Variants in EXTL3 observed in about 807,000 individuals in gnomAD.
EXTL3 encodes the protein exostosin like glycosyltransferase 3, also known as exostosin-like 3.
Under a neutral mutation model 69.3 loss-of-function variants are expected in EXTL3, and 27 were observed. The observed-to-expected ratio is 0.39, with a 90% CI of 0.29 to 0.54. The LOEUF (loss-of-function observed/expected upper bound fraction) is 0.54. Ranked by LOEUF, EXTL3 falls within the 20% of genes least tolerant of loss-of-function variation. The pLI, the probability that EXTL3 is intolerant of heterozygous loss-of-function variation, is 0.69. For missense variants in EXTL3, 1,003 were observed against 1,231.8 expected, an observed-to-expected ratio of 0.81 and a Z score of 2.78; for synonymous variants, 511 against 499.4, an observed-to-expected ratio of 1.02 and a Z score of -0.31.
At chr8:28,636,774 GC>G (rs1806663000) in intron 1 of EXTL3, among the ~76,000 whole-genome samples, 1 of 152,194 alleles carries the variant, frequency 6.6e-6, no homozygotes, top group Non-Finnish European at 1.5e-5. Context: ...ACTTTGGGAG[GC>G]TGAGACAGGT....
At position 28,753,661 on chromosome 8, in the gene EXTL3, T is replaced by TA. The variant is rs1043267219; in HGVS notation, c.*2800dup. 6.6e-6 allele frequency: 1 copy of TA among 152,548 alleles called. No homozygotes were observed. Among genetic ancestry groups the TA allele is most frequent in the African/African-American group, 2.4e-5 (1 of 41,402 alleles). The allele number at this position is 152,548 out of a possible 1,614,324, so 9.4% of individuals were successfully genotyped here. ...CTTACATTGGATTTTTGTAAAAAAA[T>TA]AAAAATAAATGGAGACTTTAACTCA... is the stretch of plus-strand genomic sequence containing the variant. On this transcript the variant is annotated 3_prime_UTR_variant, in exon 7 of 7. Transcript: ENST00000220562.
chr8:28,653,110 CAT>C (rs1806953873), intron 1 of EXTL3, among the ~76,000 whole-genome samples: 2 of 152,202 alleles, frequency 1.3e-5, no homozygotes, highest in South Asian at 4.1e-4. Context: ...CATGAATCCA[CAT>C]GATAGTAGCA....
rs1802022398 is a variant in EXTL3, at chr8:28,752,176, G to A, written c.*1310G>A. On this transcript the variant is annotated 3_prime_UTR_variant, in exon 7 of 7. Coordinates refer to ENST00000220562, the MANE Select transcript of EXTL3 (RefSeq NM_001440.4). ...GGAATCTAACGGGCATTCACAACCC[G>A]AGTTACCACTTTCCACTCCCTGCTT... 1 of 152,198 alleles carries A rather than the reference G, an allele frequency of 6.6e-6. No homozygotes were observed. 9.4% of individuals were successfully genotyped at this position (152,198 alleles called of 1,614,324 possible). A position where few individuals can be genotyped will look rare whatever the true frequency, so the allele number is the denominator to read the frequency against.
Position 28,718,025 on chromosome 8 carries a change from G to A in EXTL3, c.1966G>A (p.Gly656Ser), listed in dbSNP as rs1801203649. The change falls in exon 3 of 7, where the codon GGC becomes AGC. Residue 656 changes from glycine to serine, a missense_variant. Gly to Ser is a moderately conservative substitution (Grantham distance 56). Around this residue, in one of 2 missense-constraint regions of EXTL3, gnomAD observed 261 missense variants for 416.4 expected, o/e 0.63. Coordinates refer to ENST00000220562, the MANE Select transcript of EXTL3 (RefSeq NM_001440.4). ...SGKEFQAALG[G>S]NVPREQFTVV... ...CAAGGAATTTCAGGCAGCGCTTGGA[G>A]GCAATGTTCCCCGAGAGCAGTTCAC... 7 of 1,614,016 alleles carry A rather than the reference G, an allele frequency of 4.3e-6. No individual in the cohort carries two copies. The highest frequency in any genetic ancestry group is 5.9e-6 in the Non-Finnish European group (7 of 1,180,004).
rs2237815 is a variant in EXTL3 at position 28,721,556 on chromosome 8, C to A, written c.2148+3349C>A. ...TCCCTCCCTCTGAATTTTAGCACCC[C>A]TCCATAATTGGTTGTCTTTTGTTCA... On this transcript the variant is annotated intron_variant, in intron 3 of 6. Coordinates refer to ENST00000220562, the MANE Select transcript of EXTL3 (RefSeq NM_001440.4). 3.9e-4 allele frequency among the ~76,000 whole-genome samples: 60 copies of A among 152,318 alleles called. No homozygotes were observed. In the East Asian group the frequency reaches 0.011, roughly 27 times the overall value.
At chr8:28,682,499 A>G (rs1807505876) in intron 1 of EXTL3, among the ~76,000 whole-genome samples, 1 of 151,918 alleles carries the variant, frequency 6.6e-6, no homozygotes. Flanking sequence ...CTGGAGTGCA[A>G]TTGTGCGATC....
At position 28,716,759 on chromosome 8, in the gene EXTL3, A is replaced by G. The variant is rs764555341; in HGVS notation, c.700A>G (p.Ile234Val). The G allele has an allele frequency of 1.2e-6, 2 of 1,614,242 alleles. No individual in the cohort carries two copies. The highest frequency in any genetic ancestry group is 1.7e-6 in the Non-Finnish European group (2 of 1,180,038). Residue 234 changes from isoleucine to valine, a missense_variant, in exon 3 of 7, where the codon ATC becomes GTC. Physicochemically the swap from Ile to Val is conservative, Grantham distance 29. Around this residue, in one of 2 missense-constraint regions of EXTL3, gnomAD observed 742 missense variants for 815.4 expected, o/e 0.91. Coordinates refer to ENST00000220562, the MANE Select transcript of EXTL3 (RefSeq NM_001440.4). This position sits in a 1 kb window ranked among gnomAD's most constrained non-coding sequence, Gnocchi z 7.1. ...ANVYVTENADIACLYVILVGE... is the reference protein window; with the variant it reads ...ANVYVTENADVACLYVILVGE... The stretch of plus-strand genomic sequence containing the variant: ...CGTTTATGTTACAGAAAATGCAGAC[A>G]TCGCCTGCCTTTACGTGATACTAGT...
chr8:28,724,645 C>G (rs1476584614), intron 3 of EXTL3, among the ~76,000 whole-genome samples: 1 of 150,728 alleles, frequency 6.6e-6, no homozygotes, highest in South Asian at 2.1e-4. Flanking sequence ...AAAAAAAATA[C>G]AAAAATTAGC....
chr8:28,695,362 T>G (rs1287683457), intron 1 of EXTL3, among the ~76,000 whole-genome samples: 1 of 152,034 alleles, frequency 6.6e-6, no homozygotes, highest in African/African-American at 2.4e-5. Flanking sequence ...CTCCTGACCT[T>G]GTGATACACC....
At chr8:28,683,206 A>T (rs541752315) in intron 1 of EXTL3, among the ~76,000 whole-genome samples, 1 of 152,210 alleles carries the variant, frequency 6.6e-6, no homozygotes, top group Admixed American at 6.5e-5. Flanking sequence ...TGTTCTTTTC[A>T]TTCAAGATTG....
chr8:28,659,307 G>A (rs1807066841), intron 1 of EXTL3, among the ~76,000 whole-genome samples: 2 of 151,982 alleles, frequency 1.3e-5, no homozygotes, highest in Non-Finnish European at 2.9e-5. Context: ...GAGAGCAAGG[G>A]CCAAGTGTTT....
intron 1 of EXTL3, among the ~76,000 whole-genome samples, chr8:28,636,486 C>G (rs748415548): frequency 3.9e-5 from 6 of 152,170 alleles, no homozygotes; most frequent in African/African-American, 7.2e-5. Context: ...CTCTTGGTAT[C>G]TGCTCTCTCC....
upstream of EXTL3, among the ~76,000 whole-genome samples, chr8:28,622,499 C>G (rs1291500342): frequency 6.6e-6 from 1 of 151,502 alleles, no homozygotes; most frequent in Non-Finnish European, 1.5e-5. Flanking sequence ...GAAGGCGGGC[C>G]CGGGAGCCGG....
At chr8:28,645,744 G>C (rs560534624) in intron 1 of EXTL3, among the ~76,000 whole-genome samples, 22 of 150,726 alleles carry the variant, frequency 1.5e-4, no homozygotes, top group Non-Finnish European at 2.9e-4. Flanking sequence ...TCCCAGGCTG[G>C]TCTCAAACTC....
At chr8:28,731,190 T>A (rs1801530681) in intron 3 of EXTL3, 33 bp from the exon 4 acceptor site, 1 of 1,613,996 alleles carries the variant, frequency 6.2e-7, no homozygotes, top group Non-Finnish European at 8.5e-7. Flanking sequence ...TAACACAGCC[T>A]TAATTTTTAA....
intron 1 of EXTL3, among the ~76,000 whole-genome samples, chr8:28,626,886 A>G (rs1806499582): frequency 6.6e-6 from 1 of 152,208 alleles, no homozygotes; most frequent in East Asian, 1.9e-4. Context: ...CTGTTTATGC[A>G]TTTAAAAGTC....
At chr8:28,668,865 CT>C (rs999113088) in intron 1 of EXTL3, among the ~76,000 whole-genome samples, 73 of 94,454 alleles carry the variant, frequency 7.7e-4, no homozygotes, top group South Asian at 1.9e-3. Context: ...GATAGAATCT[CT>C]TTTTTTTTTT....
At chr8:28,723,219 C>T (rs1011006136) in intron 3 of EXTL3, among the ~76,000 whole-genome samples, 2 of 152,064 alleles carry the variant, frequency 1.3e-5, no homozygotes, top group African/African-American at 4.8e-5. Context: ...GCAGGAAAAA[C>T]CTTGTCCAGC....
chr8:28,657,115 T>C (rs1310117174), intron 1 of EXTL3, among the ~76,000 whole-genome samples: 1 of 151,966 alleles, frequency 6.6e-6, no homozygotes, highest in Non-Finnish European at 1.5e-5. Flanking sequence ...TTTTTTTTTG[T>C]ATTTTTTGGT....
Sources: allele counts gnomAD v4.1 joint callset (sites outside exome capture counted in the v4.1 genomes callset), GRCh38; gene constraint gnomAD v4.1.1; regional missense constraint gnomAD v4.1.1; non-coding constraint Gnocchi (gnomAD v3.1); transcripts MANE v1.5; gene names NCBI Gene and HGNC (gene_info 2026-07-23, HGNC 2026-07-21).